Variants in ERC2 observed in about 807,000 individuals in gnomAD.
ERC2 encodes the protein ERC protein 2.
A neutral mutation model predicts 114.8 loss-of-function variants in ERC2; 42 were observed. That is an observed-to-expected ratio of 0.37 (90% CI 0.29 to 0.47). The LOEUF (loss-of-function observed/expected upper bound fraction) is 0.47, where lower values mean the gene tolerates loss of function less well. Ranked by LOEUF, ERC2 falls within the 20% of genes least tolerant of loss-of-function variation. The probability of loss-of-function intolerance (pLI) is 0.99; values close to 1 mark genes in which losing one functional copy is unlikely to be tolerated. For synonymous variants in ERC2, 454 were observed against 425.5 expected (o/e 1.07, Z -0.82); for missense variants, 939 against 1,150.7 (o/e 0.82, Z 2.66).
At chr3:56,111,191 G>A (rs1179373761) in intron 6 of ERC2, among the ~76,000 whole-genome samples, 1 of 152,106 alleles carries the variant, frequency 6.6e-6, no homozygotes, top group Non-Finnish European at 1.5e-5. Context: ...GTGTCTTTAA[G>A]AGATTCACTT....
chr3:55,900,421 C>G (rs538063453), intron 13 of ERC2, among the ~76,000 whole-genome samples: 1 of 152,264 alleles, frequency 6.6e-6, no homozygotes, highest in South Asian at 2.1e-4. Context: ...CTGTTCATTC[C>G]CATTCAACAA....
chr3:56,338,425 A>G (rs2057948440), intron 2 of ERC2, among the ~76,000 whole-genome samples: 1 of 152,142 alleles, frequency 6.6e-6, no homozygotes, highest in Non-Finnish European at 1.5e-5. Flanking sequence ...CCGCCTGTCT[A>G]CTTGAGCCAA....
intron 13 of ERC2, among the ~76,000 whole-genome samples, chr3:55,935,241 C>T (rs1251937431): frequency 6.6e-6 from 1 of 152,132 alleles, no homozygotes; most frequent in Non-Finnish European, 1.5e-5. Context: ...TTCAAGGTGG[C>T]CAGAGGAGTT....
chr3:56,265,693 C>G (rs138604453), intron 3 of ERC2, among the ~76,000 whole-genome samples: 2 of 152,144 alleles, frequency 1.3e-5, no homozygotes, highest in East Asian at 3.9e-4. Context: ...ATTTGTGAAC[C>G]ATATATCTGA....
intron 14 of ERC2, among the ~76,000 whole-genome samples, chr3:55,761,685 T>C (rs1484798340): frequency 6.6e-6 from 1 of 151,970 alleles, no homozygotes; most frequent in Non-Finnish European, 1.5e-5. Context: ...TGAGGGGTGA[T>C]TGGATCATGA....
At chr3:55,777,747 G>C (rs551879466) in intron 14 of ERC2, among the ~76,000 whole-genome samples, 1 of 152,242 alleles carries the variant, frequency 6.6e-6, no homozygotes, top group East Asian at 1.9e-4. Context: ...AAACATGCTG[G>C]AACATACACT....
chr3:56,273,180 T>G (rs2053766594), intron 3 of ERC2, among the ~76,000 whole-genome samples: 1 of 151,982 alleles, frequency 6.6e-6, no homozygotes, highest in African/African-American at 2.4e-5. Context: ...ATTTGGGAAG[T>G]ACGGCAGCAT....
At chr3:55,658,701 A>T (rs1002943913) in intron 17 of ERC2, 1 of 152,726 alleles carries the variant, frequency 6.5e-6, no homozygotes. Context: ...TTGCAGAGCC[A>T]CATAATCAGA....
At chr3:56,054,785 C>A (rs1028037319) in intron 7 of ERC2, among the ~76,000 whole-genome samples, 2 of 152,198 alleles carry the variant, frequency 1.3e-5, no homozygotes, top group African/African-American at 2.4e-5. Flanking sequence ...GCTTTGCCAA[C>A]ACTCAAGCAA....
chr3:55,581,007 A>G (rs1489506599), intron 17 of ERC2, among the ~76,000 whole-genome samples: 1 of 152,214 alleles, frequency 6.6e-6, no homozygotes, highest in Non-Finnish European at 1.5e-5. Flanking sequence ...CTGAGGGAAG[A>G]GAATTCCAGG....
intron 16 of ERC2, among the ~76,000 whole-genome samples, chr3:55,694,702 C>A (rs1269855771): frequency 6.6e-6 from 1 of 152,196 alleles, no homozygotes; most frequent in Non-Finnish European, 1.5e-5. Context: ...TATTTAGGTT[C>A]TTTGCCATTT....
chr3:55,647,168 G>C (rs1011678549), intron 17 of ERC2: 30 of 148,364 alleles, frequency 2.0e-4, no homozygotes, highest in African/African-American at 7.9e-4. Flanking sequence ...TTAGTATTTA[G>C]TGACCTCCCC....
intron 10 of ERC2, 46 bp downstream of exon 10, chr3:56,007,135 A>G (rs1371279122): frequency 2.0e-6 from 3 of 1,504,070 alleles, no homozygotes; most frequent in African/African-American, 1.4e-5. Context: ...CATTTTATAA[A>G]TTCATTTTTA....
chr3:56,346,247 C>A (rs1430459867), intron 2 of ERC2, among the ~76,000 whole-genome samples: 1 of 152,154 alleles, frequency 6.6e-6, no homozygotes, highest in Non-Finnish European at 1.5e-5. Context: ...ACTAAAATGA[C>A]TAAAATATGG....
rs183348997 is a variant in ERC2 at position 55,953,009 on chromosome 3, T to A, written c.2268-2449A>T. On this transcript the variant is annotated intron_variant, in intron 12 of 17. Transcript: ENST00000288221. ...GAGATCGAGACCATCCTGGCTAACA[T>A]GGTGAAACCCCATCTCTACTAAAAA... is the stretch of plus-strand genomic sequence containing the variant. Among the ~76,000 whole-genome samples the A allele has an allele frequency of 3.0e-4, 46 of 152,042 alleles. No individual in the cohort carries two copies. In the East Asian group the frequency reaches 8.2e-3, roughly 27 times the overall value.
chr3:55,759,194 G>C (rs550386011), intron 14 of ERC2, among the ~76,000 whole-genome samples: 1 of 152,032 alleles, frequency 6.6e-6, no homozygotes, highest in African/African-American at 2.4e-5. Flanking sequence ...CATTGCAAAT[G>C]GTATTCTAAA....
At chr3:55,927,592 T>C (rs989833977) in intron 13 of ERC2, among the ~76,000 whole-genome samples, 1 of 152,216 alleles carries the variant, frequency 6.6e-6, no homozygotes. Context: ...TTTCTTTGTA[T>C]TACAAATAAT....
chr3:56,314,679 G>C (rs2056782361), intron 2 of ERC2, among the ~76,000 whole-genome samples: 1 of 152,140 alleles, frequency 6.6e-6, no homozygotes, highest in South Asian at 2.1e-4. Flanking sequence ...CCACAAGCTG[G>C]TACATGCATT....
chr3:56,109,772 A>C (rs1326059778), intron 6 of ERC2, among the ~76,000 whole-genome samples: 2 of 151,850 alleles, frequency 1.3e-5, no homozygotes, highest in East Asian at 3.9e-4. Flanking sequence ...AAGAACAAAT[A>C]AACTATAAAG....
Sources: allele counts gnomAD v4.1 joint callset (sites outside exome capture counted in the v4.1 genomes callset), GRCh38; gene constraint gnomAD v4.1.1; transcripts MANE v1.5; gene names NCBI Gene and HGNC (gene_info 2026-07-23, HGNC 2026-07-21).